ZC2HC1B: variants seen among roughly 807,000 people sequenced by gnomAD.
ZC2HC1B encodes the protein zinc finger C2HC-type containing 1B.
A neutral mutation model predicts 31.0 loss-of-function variants in ZC2HC1B; 36 were observed. That is an observed-to-expected ratio of 1.16 (90% confidence interval 0.89 to 1.54). ZC2HC1B has a LOEUF of 1.54. ZC2HC1B is among the 40% of genes most tolerant of loss of function. The pLI is 0.00. For synonymous variants in ZC2HC1B, 73 were observed against 88.0 expected (o/e 0.83, Z 0.95); for missense variants, 260 against 268.6 (o/e 0.97, Z 0.22).
intron 1 of ZC2HC1B, among the ~76,000 whole-genome samples, chr6:143,867,676 A>T (rs1042497837): frequency 7.2e-5 from 11 of 152,352 alleles, no homozygotes; most frequent in Admixed American, 7.2e-4. Context: ...ATAGCCAAAC[A>T]TGACAAGTGT....
rs34994479 is a variant in ZC2HC1B at position 143,877,272 on chromosome 6, CTTTTTTT to C, written c.29-7011_29-7005del. On this transcript the variant is annotated intron_variant, in intron 1 of 7. Coordinates refer to ENST00000237275, the MANE Select transcript of ZC2HC1B (RefSeq NM_001013623.3). ...TTTCTCCTAAAGATTTTTTTAATTT[CTTTTTTT>C]TTTTTTTTTTTTTTTTTTTTGAGAC... 1.1e-3 allele frequency among the ~76,000 whole-genome samples: 47 copies of C among 42,588 alleles called. 1 individual carries two copies. Among genetic ancestry groups the C allele is most frequent in the South Asian group, 2.7e-3 (3 of 1,126 alleles). The allele number at this position is 42,588 out of a possible 152,430, so 27.9% of individuals were successfully genotyped here. A position where few individuals can be genotyped will look rare whatever the true frequency, so the allele number is the denominator to read the frequency against.
chr6:143,898,421 A>G, intron 4 of ZC2HC1B, 131 bp from the exon 5 acceptor site: 1 of 1,182,022 alleles, frequency 8.5e-7, no homozygotes. Context: ...TCAGCCTCAC[A>G]GAGTGCTGGG....
At position 143,934,973 on chromosome 6, in the gene ZC2HC1B, A is replaced by G. The variant is rs1778159624; in HGVS notation, c.599-2676A>G. On this transcript the variant is annotated intron_variant, in intron 6 of 7. Transcript: ENST00000237275. This position sits in a 1 kb window ranked among gnomAD's most constrained non-coding sequence, Gnocchi z 4.6. Reference sequence around the variant, plus strand: ...CAGTGGCGATGGTGGGTGGCTCTTCAGGTTCCTGGGTGGCATGCATGGGGT... The same window carrying G: ...CAGTGGCGATGGTGGGTGGCTCTTCGGGTTCCTGGGTGGCATGCATGGGGT... 6.6e-6 allele frequency among the ~76,000 whole-genome samples: 1 copy of G among 151,982 alleles called. No individual in the cohort carries two copies. Among genetic ancestry groups the G allele is most frequent in the South Asian group, 2.1e-4 (1 of 4,826 alleles).
rs1156790404 is a variant in ZC2HC1B at position 143,937,726 on chromosome 6, G to C, written c.*7G>C. On this transcript the variant is annotated 3_prime_UTR_variant, in exon 7 of 8. Transcript: ENST00000237275. ...ATCTTCTAAAAAAGATTAACTCCTA[G>C]AAGCCAGGTAAGAAAAAAAAATCAC... 1 of 1,545,688 alleles carries C rather than the reference G, an allele frequency of 6.5e-7. No individual in the cohort carries two copies. Among genetic ancestry groups the C allele is most frequent in the Non-Finnish European group, 8.7e-7 (1 of 1,145,180 alleles).
intron 1 of ZC2HC1B, among the ~76,000 whole-genome samples, chr6:143,880,237 C>T (rs1777452517): frequency 6.6e-6 from 1 of 152,048 alleles, no homozygotes; most frequent in Non-Finnish European, 1.5e-5. Flanking sequence ...AAAATAATAG[C>T]CACTATAATA....
At chr6:143,901,250 CT>C (rs760366226) in intron 5 of ZC2HC1B, among the ~76,000 whole-genome samples, 522 of 90,478 alleles carry the variant, frequency 5.8e-3, no homozygotes, top group Non-Finnish European at 8.5e-3. Flanking sequence ...TTCTTTCTTC[CT>C]TTTTTTTTTT....
rs1361366875 is a variant in ZC2HC1B, at chr6:143,864,564, G to A, written c.25G>A (p.Ala9Thr). 1 of 1,551,556 alleles carries A rather than the reference G, an allele frequency of 6.4e-7. No homozygotes were observed. ...AATGGCTGGGGCAGAACCATTTTTGGCAGGTGAGCTGCACTTGATATCTAA... is the reference window on the plus strand; with the variant it reads ...AATGGCTGGGGCAGAACCATTTTTGACAGGTGAGCTGCACTTGATATCTAA... The part of the protein sequence containing the change: MAGAEPFL[A>T]DGNQELFPCE... The change falls in exon 1 of 8, where the codon GCA becomes ACA. Residue 9 changes from alanine to threonine, a missense_variant. Physicochemically the swap from Ala to Thr is moderately conservative, Grantham distance 58 (BLOSUM62 0). Coordinates refer to ENST00000237275, the MANE Select transcript of ZC2HC1B (RefSeq NM_001013623.3).
At chr6:143,897,271 G>C (rs1777679323) in intron 4 of ZC2HC1B, among the ~76,000 whole-genome samples, 1 of 150,584 alleles carries the variant, frequency 6.6e-6, no homozygotes, top group South Asian at 2.1e-4. Flanking sequence ...CCTTCCTGGG[G>C]TCGGGGCGGT....
At chr6:143,925,613 C>T (rs1325372536) in intron 6 of ZC2HC1B, among the ~76,000 whole-genome samples, 2 of 148,586 alleles carry the variant, frequency 1.3e-5, no homozygotes, top group East Asian at 2.0e-4. Flanking sequence ...CTCGTCTCGC[C>T]GCAACCTCCG....
intron 1 of ZC2HC1B, among the ~76,000 whole-genome samples, chr6:143,877,347 A>G (rs1321001226): frequency 1.7e-5 from 2 of 117,324 alleles, no homozygotes; most frequent in African/African-American, 3.5e-5. Context: ...CAATGGCGCC[A>G]TCTCAGTTCA....
chr6:143,907,079 G>A (rs1485080088), intron 6 of ZC2HC1B, among the ~76,000 whole-genome samples: 1 of 152,228 alleles, frequency 6.6e-6, no homozygotes, highest in East Asian at 1.9e-4. Context: ...ATGGCCTCCA[G>A]CTCCATCCAC....
chr6:143,932,208 T>C (rs1361714892), intron 6 of ZC2HC1B, among the ~76,000 whole-genome samples: 1 of 152,156 alleles, frequency 6.6e-6, no homozygotes, highest in Non-Finnish European at 1.5e-5. Flanking sequence ...TCTAGATCTC[T>C]AGTGAGCTCA....
In ZC2HC1B at chr6:143,905,273, A is replaced by G. The variant is rs1251462578; in HGVS notation, c.598+2121A>G. ...ATGTTTTGTAGTTTTCATTGTACAA[A>G]TCTTTCACCTCATTGCTTAAGTTCA... On this transcript the variant is annotated intron_variant, in intron 6 of 7. Transcript: ENST00000237275. This position sits in a 1 kb window ranked among gnomAD's most constrained non-coding sequence, Gnocchi z 4.2. Among the ~76,000 whole-genome samples, 1 of 152,172 alleles carries G rather than the reference A, an allele frequency of 6.6e-6. No homozygotes were observed. The highest frequency in any genetic ancestry group is 1.5e-5 in the Non-Finnish European group (1 of 68,028).
intron 6 of ZC2HC1B, among the ~76,000 whole-genome samples, chr6:143,916,814 T>A (rs1413490114): frequency 6.6e-6 from 1 of 152,212 alleles, no homozygotes; most frequent in Non-Finnish European, 1.5e-5. Flanking sequence ...CCATTGTATC[T>A]AGGAAGTAAC....
At chr6:143,928,773 G>A (rs1308860147) in intron 6 of ZC2HC1B, among the ~76,000 whole-genome samples, 1 of 146,818 alleles carries the variant, frequency 6.8e-6, no homozygotes, top group Admixed American at 6.8e-5. Flanking sequence ...TCAGTATTTT[G>A]TAGTTTTCCT....
rs1317502619 is a variant in ZC2HC1B at position 143,923,716 on chromosome 6, A to G, written c.599-13933A>G. Among the ~76,000 whole-genome samples, 1 of 152,074 alleles carries G rather than the reference A, an allele frequency of 6.6e-6. No homozygotes were observed. Among genetic ancestry groups the G allele is most frequent in the Non-Finnish European group, 1.5e-5 (1 of 67,968 alleles). On this transcript the variant is annotated intron_variant, in intron 6 of 7. Transcript: ENST00000237275. This position sits in a 1 kb window ranked among gnomAD's most constrained non-coding sequence, Gnocchi z 4.8. ...ATTATTGAAGAGGATGCCTTTCCCC[A>G]ATTTATATTCTTAATGGCTTTGTTG...
rs1320237333 is a variant in ZC2HC1B, at chr6:143,933,217, T to TTAGA, written c.599-4431_599-4428dup. ...GAATTAGCTGCTGTTTTTTCCTTCA[T>TTAGA]TAGAGCAGGGTTGTTCTGTTATGAG... On this transcript the variant is annotated intron_variant, in intron 6 of 7. Coordinates refer to ENST00000237275, the MANE Select transcript of ZC2HC1B (RefSeq NM_001013623.3). The surrounding 1 kb of genome is among the most constrained non-coding windows in gnomAD (Gnocchi z 6.4). Among the ~76,000 whole-genome samples the TTAGA allele has an allele frequency of 6.6e-6, 1 of 152,212 alleles. No homozygotes were observed. The highest frequency in any genetic ancestry group is 2.4e-5 in the African/African-American group (1 of 41,450).
At position 143,913,906 on chromosome 6, in the gene ZC2HC1B, A is replaced by C. The variant is rs776038391; in HGVS notation, c.598+10754A>C. 3.3e-5 allele frequency among the ~76,000 whole-genome samples: 5 copies of C among 152,162 alleles called. No individual in the cohort carries two copies. The highest frequency in any genetic ancestry group is 4.8e-5 in the African/African-American group (2 of 41,410). Reference sequence around the variant, plus strand: ...CCCAGTGTGAGAACCTGGATGTTTCAGTTGAAAGCTGTATTCACTTGCCTG... The same window carrying C: ...CCCAGTGTGAGAACCTGGATGTTTCCGTTGAAAGCTGTATTCACTTGCCTG... On this transcript the variant is annotated intron_variant, in intron 6 of 7. Transcript: ENST00000237275. This position sits in a 1 kb window ranked among gnomAD's most constrained non-coding sequence, Gnocchi z 5.7.
Position 143,911,367 on chromosome 6 carries a change from T to C in ZC2HC1B, c.598+8215T>C, listed in dbSNP as rs1777853913. ...TAGACTTCTTTCTGTGTTTGCTTCA[T>C]AGTGTCACTGGTCTGTGTATTTCAG... On this transcript the variant is annotated intron_variant, in intron 6 of 7. Coordinates refer to ENST00000237275, the MANE Select transcript of ZC2HC1B (RefSeq NM_001013623.3). This position sits in a 1 kb window ranked among gnomAD's most constrained non-coding sequence, Gnocchi z 4.5. 6.6e-6 allele frequency among the ~76,000 whole-genome samples: 1 copy of C among 152,222 alleles called. No individual in the cohort carries two copies. The highest frequency in any genetic ancestry group is 2.4e-5 in the African/African-American group (1 of 41,466).
Sources: gnomAD v4.1 joint callset for allele counts (sites outside exome capture counted in the v4.1 genomes callset) on GRCh38, gnomAD v4.1.1 for gene constraint, Gnocchi (gnomAD v3.1) non-coding constraint, MANE v1.5 for transcripts, NCBI Gene and HGNC (gene_info 2026-07-23, HGNC 2026-07-21) for gene names.